The following ADAMTS2 variants were observed in gnomAD, a reference collection of about 807,000 sequenced individuals.
ADAMTS2 encodes the protein A disintegrin and metalloproteinase with thrombospondin motifs 2.
ADAMTS2 carries 50 observed loss-of-function variants against 123.0 expected under a neutral mutation model. The ratio of observed to expected loss-of-function variants is 0.41; its 90% CI spans 0.32 to 0.51. The LOEUF (loss-of-function observed/expected upper bound fraction) is 0.51, where lower values mean the gene tolerates loss of function less well. Among genes scored for constraint, ADAMTS2 ranks in the 20% least tolerant of loss-of-function variants. ADAMTS2 has a pLI of 0.35. For missense variants in ADAMTS2, 1,494 were observed against 1,705.2 expected (o/e 0.88, Z 2.18); for synonymous variants, 678 against 695.4 (o/e 0.98, Z 0.39).
intron 17 of ADAMTS2, among the ~76,000 whole-genome samples, 153 bp downstream of exon 17, chr5:179,127,806 C>T (rs1383616493): frequency 6.6e-6 from 1 of 152,082 alleles, no homozygotes; most frequent in African/African-American, 2.4e-5. Flanking sequence ...CCCACCGGCC[C>T]CTCCATTGCC....
chr5:179,204,848 G>A (rs959012265), intron 4 of ADAMTS2, among the ~76,000 whole-genome samples: 7 of 152,166 alleles, frequency 4.6e-5, no homozygotes, highest in African/African-American at 1.7e-4. Flanking sequence ...ACGCCCCGCC[G>A]CCTCTGCAGG....
At chr5:179,184,509 T>TCAAAAAAAAAAAAAAAAAAAAA (rs1290290563) in intron 4 of ADAMTS2, among the ~76,000 whole-genome samples, 1 of 91,416 alleles carries the variant, frequency 1.1e-5, no homozygotes, top group African/African-American at 4.6e-5. Flanking sequence ...AGACTCTGTC[T>TCAAAAAAAAAAAAAAAAAAAAA]AAAAAAAAAA....
intron 3 of ADAMTS2, among the ~76,000 whole-genome samples, chr5:179,238,528 C>T (rs1322708795): frequency 6.6e-6 from 1 of 151,998 alleles, no homozygotes; most frequent in Non-Finnish European, 1.5e-5. Flanking sequence ...CCTTAGAGCG[C>T]CAGGGTAGGT....
chr5:179,137,122 C>T (rs916292911), intron 12 of ADAMTS2, among the ~76,000 whole-genome samples: 6 of 152,344 alleles, frequency 3.9e-5, no homozygotes, highest in East Asian at 1.9e-4. Context: ...CTGTGGCCTC[C>T]GCCAGAGGGG....
At chr5:179,223,678 G>T (rs888152616) in intron 3 of ADAMTS2, among the ~76,000 whole-genome samples, 1 of 139,814 alleles carries the variant, frequency 7.2e-6, no homozygotes, top group East Asian at 1.9e-4. Flanking sequence ...ACACATGAAT[G>T]CACTCACACA....
At chr5:179,239,387 C>G (rs548766862) in intron 3 of ADAMTS2, among the ~76,000 whole-genome samples, 2 of 152,062 alleles carry the variant, frequency 1.3e-5, no homozygotes, top group Non-Finnish European at 2.9e-5. Flanking sequence ...AAGGATCAGC[C>G]GTGCACAGAG....
chr5:179,311,302 G>C (rs1364277473), intron 2 of ADAMTS2, among the ~76,000 whole-genome samples: 1 of 152,176 alleles, frequency 6.6e-6, no homozygotes, highest in Admixed American at 6.5e-5. Flanking sequence ...GTCCTGTGCA[G>C]GGTCATGCCC....
Position 179,245,796 on chromosome 5 carries a change from C to CA in ADAMTS2, c.688+27114dup, listed in dbSNP as rs796076369. On this transcript the variant is annotated intron_variant, in intron 3 of 21. Coordinates refer to ENST00000251582, the MANE Select transcript of ADAMTS2 (RefSeq NM_014244.5). ...AAAAAAAAAAAAAAAAAAAAAAAAA[C>CA]AAAAAAAACAAAGATGGGGGTGGAA... Among the ~76,000 whole-genome samples, 25 of 73,804 alleles carry CA rather than the reference C, an allele frequency of 3.4e-4. 2 individuals are homozygous for CA. The highest frequency in any genetic ancestry group is 4.3e-4 in the East Asian group (1 of 2,308). The allele number at this position is 73,804 out of a possible 152,430, so 48.4% of individuals were successfully genotyped here. A position where few individuals can be genotyped will look rare whatever the true frequency, so the allele number is the denominator to read the frequency against.
At chr5:179,147,778 C>T (rs1763278509) in intron 10 of ADAMTS2, among the ~76,000 whole-genome samples, 1 of 152,150 alleles carries the variant, frequency 6.6e-6, no homozygotes, top group African/African-American at 2.4e-5. Context: ...GCAAAATGCC[C>T]AAGGCCATTC....
chr5:179,121,688 C>T lies in ADAMTS2; in HGVS notation c.3151G>A (p.Asp1051Asn), dbSNP rs1252240288. The T allele has an allele frequency of 1.1e-5, 17 of 1,597,402 alleles. No individual in the cohort carries two copies. Among genetic ancestry groups the T allele is most frequent in the Admixed American group, 8.6e-5 (5 of 58,102 alleles). ...GACGAGATCTTCCGGATGGGCGAGT[C>T]GGGGTCCGGGCGGGACAGCCACTGA... is the stretch of plus-strand genomic sequence containing the variant. ...VVQWLSRPDP[D>N]SPIRKISSKG... Residue 1051 changes from aspartate (D) to asparagine (N), a missense_variant, in exon 21 of 22, where the codon GAC becomes AAC. Physicochemically the swap from Asp to Asn is conservative, Grantham distance 23. This residue lies in a region of ADAMTS2 where 953 missense variants were observed against 1,124.7 expected (regional missense o/e 0.85). Coordinates refer to ENST00000251582, the MANE Select transcript of ADAMTS2 (RefSeq NM_014244.5).
chr5:179,237,575 C>T lies in ADAMTS2; in HGVS notation c.689-29860G>A, dbSNP rs531082810. Among the ~76,000 whole-genome samples the T allele has an allele frequency of 3.3e-5, 5 of 152,288 alleles. No homozygotes were observed. The South Asian group carries it at 6.2e-4, about 19-fold the overall frequency. On this transcript the variant is annotated intron_variant, in intron 3 of 21. Coordinates refer to ENST00000251582, the MANE Select transcript of ADAMTS2 (RefSeq NM_014244.5). Reference sequence around the variant, plus strand: ...AGGCTTCGTCACCTGGATCCAGTCGCGTCAGTTAAGCGGTGCTGCCCAGCT... The same window carrying T: ...AGGCTTCGTCACCTGGATCCAGTCGTGTCAGTTAAGCGGTGCTGCCCAGCT...
intron 2 of ADAMTS2, among the ~76,000 whole-genome samples, chr5:179,274,949 A>G (rs1378232973): frequency 1.3e-5 from 2 of 152,214 alleles, no homozygotes; most frequent in Non-Finnish European, 2.9e-5. Context: ...CCAGGCAAAG[A>G]GTCAGAGAGA....
intron 2 of ADAMTS2, among the ~76,000 whole-genome samples, chr5:179,309,757 CAAAAAAAAAAAAAAAA>C (rs34487269): frequency 4.5e-5 from 2 of 44,470 alleles, no homozygotes; most frequent in East Asian, 1.8e-3. Context: ...ACTCAGTCTC[CAAAAAAAAAAAAAAAA>C]AAAAAAAAAA....
chr5:179,218,741 C>T (rs389558), intron 3 of ADAMTS2, among the ~76,000 whole-genome samples: 61,213 of 152,106 alleles, frequency 0.4, 12,600 homozygotes, highest in Non-Finnish European at 0.43. Flanking sequence ...TAAACTCCCA[C>T]GGGATGGGCT....
chr5:179,345,173 G>A lies in ADAMTS2; in HGVS notation c.139+17C>T, dbSNP rs1757904279. ...GCCGGCGGGGGTCCCGGGGAGTAGG[G>A]GCCGGGCCGCACCTACCTGGGGGGT... On this transcript the variant is annotated intron_variant, in intron 1 of 21. Transcript: ENST00000251582. The surrounding 1 kb of genome is among the most constrained non-coding windows in gnomAD (Gnocchi z 7.5). 2.7e-6 allele frequency: 3 copies of A among 1,098,404 alleles called. No individual in the cohort carries two copies. The highest frequency in any genetic ancestry group is 6.0e-5 in the East Asian group (1 of 16,570). The allele number at this position is 1,098,404 out of a possible 1,614,324, so 68.0% of individuals were successfully genotyped here. A position where few individuals can be genotyped will look rare whatever the true frequency, so the allele number is the denominator to read the frequency against.
chr5:179,295,723 C>T (rs532720373), intron 2 of ADAMTS2, among the ~76,000 whole-genome samples: 5 of 152,332 alleles, frequency 3.3e-5, no homozygotes, highest in African/African-American at 1.2e-4. Flanking sequence ...GCAGAGGAGC[C>T]CCGTCCATGG....
Position 179,302,876 on chromosome 5 carries a change from T to C in ADAMTS2, c.535-29812A>G, listed in dbSNP as rs551919939. Among the ~76,000 whole-genome samples the C allele has an allele frequency of 6.5e-4, 98 of 150,110 alleles. 1 individual carries two copies. Among genetic ancestry groups the C allele is most frequent in the Non-Finnish European group, 6.8e-4 (46 of 67,504 alleles). ...CGAGGTCAGAACAGACCTGCCATGT[T>C]TGAGGAAAGGGAAGAAGGCCAATGT... is the stretch of plus-strand genomic sequence containing the variant. On this transcript the variant is annotated intron_variant, in intron 2 of 21. Transcript: ENST00000251582.
At chr5:179,289,955 G>C (rs185073810) in intron 2 of ADAMTS2, among the ~76,000 whole-genome samples, 157 of 152,368 alleles carry the variant, frequency 1.0e-3, no homozygotes, top group African/African-American at 3.6e-3. Flanking sequence ...AAACGGGAGA[G>C]ACACAACAAC....
In ADAMTS2 at chr5:179,228,395, C is replaced by G. The variant is rs1172819885; in HGVS notation, c.689-20680G>C. Among the ~76,000 whole-genome samples, 5 of 152,206 alleles carry G rather than the reference C, an allele frequency of 3.3e-5. No homozygotes were observed. Among genetic ancestry groups the G allele is most frequent in the Non-Finnish European group, 7.3e-5 (5 of 68,030 alleles). ...CACCAGAACCCAGTCTGGGCACCAG[C>G]CTGTTTTCTTGTCCTCTCCAGCCAG... On this transcript the variant is annotated intron_variant, in intron 3 of 21. Transcript: ENST00000251582. This position sits in a 1 kb window ranked among gnomAD's most constrained non-coding sequence, Gnocchi z 5.2.
Sources: allele counts gnomAD v4.1 joint callset (sites outside exome capture counted in the v4.1 genomes callset), GRCh38; gene constraint gnomAD v4.1.1; regional missense constraint gnomAD v4.1.1; non-coding constraint Gnocchi (gnomAD v3.1); transcripts MANE v1.5; gene names NCBI Gene and HGNC (gene_info 2026-07-23, HGNC 2026-07-21).